MACROD2: variants seen among roughly 807,000 people sequenced by gnomAD.
MACROD2 encodes the protein ADP-ribose glycohydrolase MACROD2.
Under a neutral mutation model 70.4 loss-of-function variants are expected in MACROD2, and 36 were observed. The observed-to-expected ratio is 0.51, with a 90% CI of 0.39 to 0.68. The LOEUF is 0.68. MACROD2 is among the 30% of genes least tolerant of loss of function. The probability of loss-of-function intolerance (pLI) is 0.00; values close to 1 mark genes in which losing one functional copy is unlikely to be tolerated. For synonymous variants in MACROD2, 172 were observed against 178.8 expected (o/e 0.96, Z 0.30); for missense variants, 496 against 538.4 (o/e 0.92, Z 0.78).
At chr20:14,119,884 G>C (rs1479606720) in intron 3 of MACROD2, among the ~76,000 whole-genome samples, 1 of 152,040 alleles carries the variant, frequency 6.6e-6, no homozygotes, top group Non-Finnish European at 1.5e-5. Flanking sequence ...ACCCCATCTA[G>C]GCAAAGGATA....
chr20:14,985,389 A>G (rs1251742642), intron 5 of MACROD2, among the ~76,000 whole-genome samples: 7 of 152,194 alleles, frequency 4.6e-5, no homozygotes, highest in Non-Finnish European at 7.3e-5. Context: ...CACTTTGACT[A>G]ATAACCAACT....
chr20:15,290,388 G>T (rs1000727519), intron 6 of MACROD2, among the ~76,000 whole-genome samples: 8 of 152,214 alleles, frequency 5.3e-5, no homozygotes, highest in Admixed American at 3.3e-4. Flanking sequence ...TGATTTGGAG[G>T]GGGGAGTAAA....
intron 8 of MACROD2, among the ~76,000 whole-genome samples, chr20:15,681,303 A>C (rs979558869): frequency 6.6e-6 from 1 of 152,204 alleles, no homozygotes; most frequent in Non-Finnish European, 1.5e-5. Flanking sequence ...GCATTGTTTT[A>C]ATGCTCAGAA....
intron 6 of MACROD2, among the ~76,000 whole-genome samples, chr20:15,418,019 ACT>A (rs2046178852): frequency 6.6e-6 from 1 of 152,088 alleles, no homozygotes; most frequent in South Asian, 2.1e-4. Flanking sequence ...GACCTCACTG[ACT>A]CTGTTCTGCA....
At chr20:14,826,340 G>A (rs1270426482) in intron 5 of MACROD2, among the ~76,000 whole-genome samples, 1 of 151,888 alleles carries the variant, frequency 6.6e-6, no homozygotes, top group Non-Finnish European at 1.5e-5. Context: ...CAAGGTTTTA[G>A]CATCCTCATT....
At chr20:14,504,941 G>A (rs369126546) in intron 4 of MACROD2, among the ~76,000 whole-genome samples, 18 of 151,986 alleles carry the variant, frequency 1.2e-4, no homozygotes, top group African/African-American at 4.1e-4. Context: ...CAAATAACAG[G>A]CAATATTGTT....
At chr20:15,401,787 C>T (rs959513365) in intron 6 of MACROD2, among the ~76,000 whole-genome samples, 5 of 152,136 alleles carry the variant, frequency 3.3e-5, no homozygotes, top group African/African-American at 1.2e-4. Context: ...TTATAGGATC[C>T]ACCAGGTAGA....
chr20:15,111,173 G>GTTTTTT (rs1299612264), intron 5 of MACROD2, among the ~76,000 whole-genome samples: 1 of 78,330 alleles, frequency 1.3e-5, no homozygotes, highest in African/African-American at 5.8e-5. Flanking sequence ...GTTTGTTTTT[G>GTTTTTT]TTTGTTTTTT....
intron 5 of MACROD2, among the ~76,000 whole-genome samples, chr20:14,924,123 T>G (rs2074198948): frequency 6.6e-6 from 1 of 152,094 alleles, no homozygotes; most frequent in Non-Finnish European, 1.5e-5. Flanking sequence ...TGCTTTTTCA[T>G]AAAAAAGTTA....
chr20:15,231,964 G>A (rs901976172), intron 6 of MACROD2, among the ~76,000 whole-genome samples: 2 of 152,002 alleles, frequency 1.3e-5, no homozygotes, highest in African/African-American at 2.4e-5. Context: ...AATGTCCAAC[G>A]AAATTGATCA....
intron 8 of MACROD2, among the ~76,000 whole-genome samples, chr20:15,729,221 T>C (rs2050907695): frequency 6.6e-6 from 1 of 152,214 alleles, no homozygotes; most frequent in Non-Finnish European, 1.5e-5. Context: ...AGTATTGATT[T>C]CTATTTTTAT....
At chr20:14,157,533 C>A (rs2055120005) in intron 3 of MACROD2, among the ~76,000 whole-genome samples, 1 of 152,030 alleles carries the variant, frequency 6.6e-6, no homozygotes, top group South Asian at 2.1e-4. Flanking sequence ...ATTAACCAAC[C>A]TCTCTTCATC....
intron 3 of MACROD2, among the ~76,000 whole-genome samples, chr20:14,199,060 T>C (rs1473860927): frequency 6.6e-6 from 1 of 152,080 alleles, no homozygotes; most frequent in Admixed American, 6.6e-5. Context: ...CACTACTCTT[T>C]CTTTAAAAAG....
At chr20:14,428,824 C>G (rs886381596) in intron 3 of MACROD2, among the ~76,000 whole-genome samples, 8 of 152,110 alleles carry the variant, frequency 5.3e-5, no homozygotes, top group African/African-American at 1.7e-4. Context: ...TAAGAACTTT[C>G]ATTGAGTGAT....
intron 4 of MACROD2, among the ~76,000 whole-genome samples, chr20:14,562,822 G>A (rs575459290): frequency 2.0e-4 from 31 of 151,866 alleles, no homozygotes; most frequent in African/African-American, 7.5e-4. Context: ...GACTCTAGAG[G>A]AAAACCTTTC....
At chr20:14,642,693 A>T (rs946259382) in intron 4 of MACROD2, among the ~76,000 whole-genome samples, 1 of 152,176 alleles carries the variant, frequency 6.6e-6, no homozygotes, top group African/African-American at 2.4e-5. Context: ...GTGAGAACAC[A>T]CAATATTTAT....
chr20:15,679,073 C>T (rs893579580), intron 8 of MACROD2, among the ~76,000 whole-genome samples: 1 of 151,956 alleles, frequency 6.6e-6, no homozygotes, highest in Non-Finnish European at 1.5e-5. Flanking sequence ...CCCATCTCTA[C>T]TAAAAATACA....
intron 7 of MACROD2, among the ~76,000 whole-genome samples, chr20:15,441,837 C>T (rs1012980842): frequency 2.0e-5 from 3 of 152,074 alleles, no homozygotes; most frequent in Non-Finnish European, 2.9e-5. Flanking sequence ...TCTGAATAGA[C>T]GAAACATTGA....
rs928020350 is a variant in MACROD2 at position 13,995,573 on chromosome 20, G to A, written c.-191G>A. 4.5e-6 allele frequency: 3 copies of A among 666,950 alleles called. No homozygotes were observed. The highest frequency in any genetic ancestry group is 4.2e-5 in the Admixed American group (2 of 47,134). The allele number at this position is 666,950 out of a possible 1,614,324, so 41.3% of individuals were successfully genotyped here. A position where few individuals can be genotyped will look rare whatever the true frequency, so the allele number is the denominator to read the frequency against. Reference sequence around the variant, plus strand: ...CGCGGGGCTGAGGCGGGTGGGAGCCGGAGCCGAGCGCGGGCTGAGGGAGGA... The same window carrying A: ...CGCGGGGCTGAGGCGGGTGGGAGCCAGAGCCGAGCGCGGGCTGAGGGAGGA... On this transcript the variant is annotated 5_prime_UTR_variant, in exon 1 of 18. Coordinates refer to ENST00000684519, the MANE Select transcript of MACROD2 (RefSeq NM_001351661.2). The surrounding 1 kb of genome is among the most constrained non-coding windows in gnomAD (Gnocchi z 4.3).
Sources: allele counts gnomAD v4.1 joint callset (sites outside exome capture counted in the v4.1 genomes callset), GRCh38; gene constraint gnomAD v4.1.1; non-coding constraint Gnocchi (gnomAD v3.1); transcripts MANE v1.5; gene names NCBI Gene and HGNC (gene_info 2026-07-23, HGNC 2026-07-21).